TENM4: variants seen among roughly 807,000 people sequenced by gnomAD.
TENM4 encodes teneurin-4.
Under a neutral mutation model 243.3 loss-of-function variants are expected in TENM4, and 82 were observed. That is an observed-to-expected ratio of 0.34 (90% CI 0.28 to 0.40). TENM4 has a LOEUF of 0.40. Ranked by LOEUF, TENM4 falls within the 10% of genes least tolerant of loss-of-function variation. The pLI is 1.00. For synonymous variants in TENM4, 1,412 were observed against 1,456.3 expected, an observed-to-expected ratio of 0.97 and a Z score of 0.69; for missense variants, 3,138 against 3,673.3, an observed-to-expected ratio of 0.85 and a Z score of 3.77.
chr11:78,837,463 T>C (rs1300333773), intron 12 of TENM4, among the ~76,000 whole-genome samples: 1 of 152,212 alleles, frequency 6.6e-6, no homozygotes, highest in African/African-American at 2.4e-5. Context: ...AACAAACTAA[T>C]ACATTTTCAC....
chr11:78,788,091 C>A (rs1033010302), intron 15 of TENM4, among the ~76,000 whole-genome samples: 1 of 152,234 alleles, frequency 6.6e-6, no homozygotes, highest in African/African-American at 2.4e-5. Context: ...CTTTTCATTT[C>A]TTTCAAACTA....
intron 6 of TENM4, among the ~76,000 whole-genome samples, chr11:78,981,998 T>C (rs573510425): frequency 2.0e-5 from 3 of 152,220 alleles, no homozygotes; most frequent in African/African-American, 7.2e-5. Flanking sequence ...TGCCACAGGG[T>C]AGCCATAAAG....
intron 28 of TENM4, 140 bp from the exon 29 acceptor site, chr11:78,688,366 T>C (rs1858737504): frequency 1.1e-6 from 1 of 919,680 alleles, no homozygotes. Flanking sequence ...CTCCCACATA[T>C]CTTGCACAGG....
intron 19 of TENM4, among the ~76,000 whole-genome samples, chr11:78,751,763 CAGG>C (rs1856196554): frequency 6.6e-6 from 1 of 152,160 alleles, no homozygotes. Flanking sequence ...AGTGCTTGCC[CAGG>C]AGATGTCTCA....
chr11:79,328,742 C>T (rs1227561566), intron 1 of TENM4, among the ~76,000 whole-genome samples: 3 of 152,090 alleles, frequency 2.0e-5, no homozygotes, highest in Non-Finnish European at 4.4e-5. Flanking sequence ...AGAAATATAA[C>T]ATTTACTGAA....
intron 2 of TENM4, among the ~76,000 whole-genome samples, chr11:79,234,197 C>T (rs1315309024): frequency 1.3e-5 from 2 of 152,194 alleles, no homozygotes; most frequent in African/African-American, 2.4e-5. Flanking sequence ...CACTTTCTTC[C>T]CTTTGACCTT....
intron 19 of TENM4, among the ~76,000 whole-genome samples, chr11:78,750,003 G>A (rs542041238): frequency 1.4e-4 from 21 of 152,052 alleles, no homozygotes; most frequent in African/African-American, 3.6e-4. Flanking sequence ...GTCAGAGCAC[G>A]TCTTCTGACC....
intron 6 of TENM4, among the ~76,000 whole-genome samples, chr11:78,938,004 G>A (rs1052096306): frequency 6.6e-6 from 1 of 152,096 alleles, no homozygotes; most frequent in African/African-American, 2.4e-5. Context: ...TCCCACCGAG[G>A]TTATTTTAAC....
chr11:79,277,919 C>T (rs1272300866), intron 2 of TENM4, among the ~76,000 whole-genome samples: 3 of 152,172 alleles, frequency 2.0e-5, no homozygotes, highest in Non-Finnish European at 4.4e-5. Context: ...GCAAATTGAA[C>T]ATGTACTGAC....
intron 1 of TENM4, among the ~76,000 whole-genome samples, chr11:79,355,751 G>C (rs1012882706): frequency 1.3e-5 from 2 of 152,152 alleles, no homozygotes; most frequent in Non-Finnish European, 2.9e-5. Flanking sequence ...TTTTACAGAA[G>C]AGGAAAACTG....
chr11:79,368,317 C>T (rs973116990), intron 1 of TENM4, among the ~76,000 whole-genome samples: 2 of 152,222 alleles, frequency 1.3e-5, no homozygotes, highest in South Asian at 4.1e-4. Flanking sequence ...CCCAGAGCCA[C>T]AGTTAGCATT....
rs1177630999 is a variant in TENM4, at chr11:79,307,449, G to GTCC, written c.-320-9909_-320-9907dup. 2.1e-4 allele frequency among the ~76,000 whole-genome samples: 32 copies of GTCC among 152,230 alleles called. 1 individual carries two copies. The highest frequency in any genetic ancestry group is 1.4e-3 in the East Asian group (7 of 5,164). ...CCCCCTAGATCTAAGCCATCTTTGAGTCCTGCTGGTTCTAACTCCTCAATC... is the reference window on the plus strand; with the variant it reads ...CCCCCTAGATCTAAGCCATCTTTGAGTCCTCCTGCTGGTTCTAACTCCTCAATC... On this transcript the variant is annotated intron_variant, in intron 1 of 33. Coordinates refer to ENST00000278550, the MANE Select transcript of TENM4 (RefSeq NM_001098816.3).
At chr11:79,014,409 T>C (rs961308553) in intron 6 of TENM4, among the ~76,000 whole-genome samples, 11 of 152,196 alleles carry the variant, frequency 7.2e-5, no homozygotes, top group Admixed American at 1.3e-4. Flanking sequence ...ATTAATTTAT[T>C]ATCTAATTAA....
intron 8 of TENM4, 50 bp from the exon 9 acceptor site, chr11:78,890,070 G>T: frequency 6.9e-7 from 1 of 1,449,150 alleles, no homozygotes. Context: ...CACAGACCAG[G>T]CACCCAGACA....
At chr11:79,344,946 C>T (rs1302689684) in intron 1 of TENM4, among the ~76,000 whole-genome samples, 1 of 152,226 alleles carries the variant, frequency 6.6e-6, no homozygotes, top group African/African-American at 2.4e-5. Context: ...TCGCTGCCAT[C>T]CAAAGCTTCC....
rs1331449561 is a variant in TENM4, at chr11:79,317,106, T to G, written c.-320-19563A>C. Among the ~76,000 whole-genome samples the G allele has an allele frequency of 2.0e-5, 3 of 152,356 alleles. No homozygotes were observed. In the East Asian group the frequency reaches 5.8e-4, roughly 29 times the overall value. ...AAGAATGACTTTTAAAATAATTTTCTTCCAGGCTAGCAGTTTATAAAATAC... is the reference window on the plus strand; with the variant it reads ...AAGAATGACTTTTAAAATAATTTTCGTCCAGGCTAGCAGTTTATAAAATAC... On this transcript the variant is annotated intron_variant, in intron 1 of 33. Transcript: ENST00000278550.
Position 78,723,154 on chromosome 11 carries a change from T to C in TENM4, c.3551-237A>G, listed in dbSNP as rs548734448. 2.6e-5 allele frequency among the ~76,000 whole-genome samples: 4 copies of C among 152,338 alleles called. No individual in the cohort carries two copies. The East Asian group carries it at 7.7e-4, about 29-fold the overall frequency. ...AGATAGACACTATTATTATCCCTAC[T>C]GTAACAGGGGACTGTCCAGGTAACT... On this transcript the variant is annotated intron_variant, in intron 23 of 33. Transcript: ENST00000278550.
At chr11:79,392,650 T>C (rs974410841) in intron 1 of TENM4, among the ~76,000 whole-genome samples, 21 of 152,204 alleles carry the variant, frequency 1.4e-4, no homozygotes, top group Admixed American at 6.5e-4. Context: ...CAGGGATAAA[T>C]AGGTCCTGGG....
In TENM4 at chr11:78,989,369, T is replaced by C. The variant is rs569300641; in HGVS notation, c.493+75369A>G. Among the ~76,000 whole-genome samples the C allele has an allele frequency of 1.6e-4, 23 of 139,612 alleles. 1 individual carries two copies. In the East Asian group the frequency reaches 4.6e-3, roughly 28 times the overall value. 91.6% of individuals were successfully genotyped at this position (139,612 alleles called of 152,430 possible). ...ATGTTTTAACTATGTTCAAATACAA[T>C]CCAGAGTTAGAGAGCCACATAATAT... On this transcript the variant is annotated intron_variant, in intron 6 of 33. Coordinates refer to ENST00000278550, the MANE Select transcript of TENM4 (RefSeq NM_001098816.3).
Sources: gnomAD v4.1 joint callset for allele counts (sites outside exome capture counted in the v4.1 genomes callset) on GRCh38, gnomAD v4.1.1 for gene constraint, MANE v1.5 for transcripts, NCBI Gene and HGNC (gene_info 2026-07-23, HGNC 2026-07-21) for gene names.